The following MUC5B variants were observed in gnomAD, a reference collection of about 807,000 sequenced individuals.
The protein encoded by MUC5B is mucin 5B, oligomeric mucus/gel-forming.
Under a neutral mutation model 376.9 loss-of-function variants are expected in MUC5B, and 116 were observed. That is an observed-to-expected ratio of 0.31 (90% CI 0.26 to 0.36). The LOEUF is 0.36. MUC5B is among the 10% of genes least tolerant of loss of function. The pLI is 1.00. For missense variants in MUC5B, 7,165 were observed against 7,769.9 expected (o/e 0.92, Z 2.93); for synonymous variants, 3,517 against 3,390.9 (o/e 1.04, Z -1.29).
rs12363494 is a variant in MUC5B, at chr11:1,240,959, C to T, written c.4079C>T (p.Thr1360Met). ...GGCCTGGGAGGCGGAGACTTTGAGA[C>T]GTTTGAAAACCTGAGGCAGAGAGGG... ...EPGLGGGDFE[T>M]FENLRQRGYQ... is the part of the protein sequence containing the mutation. The change falls in exon 31 of 49, where the codon ACG (threonine) becomes ATG (methionine). Residue 1360 changes from threonine (T) to methionine (M), a missense_variant. Around this residue, in one of 31 missense-constraint regions of MUC5B, gnomAD observed 517 missense variants for 545.3 expected, o/e 0.95. Transcript: ENST00000529681. 0.012 allele frequency: 19,838 copies of T among 1,613,374 alleles called. 150 individuals carry two copies. The highest frequency in any genetic ancestry group is 0.013 in the Non-Finnish European group (15,581 of 1,179,830).
Position 1,243,331 on chromosome 11 carries a change from T to G in MUC5B, c.6451T>G (p.Ser2151Ala), listed in dbSNP as rs1373784415. 6.4e-7 allele frequency: 1 copy of G among 1,552,788 alleles called. No individual in the cohort carries two copies. The highest frequency in any genetic ancestry group is 1.2e-5 in the South Asian group (1 of 85,516). ...CACCGGCTCCACCACCAACCCCTCC[T>G]CAACTCCTGGGACAACTCCCATCCC... Reference protein sequence around the residue: ...TATGSTTNPSSTPGTTPIPPV... With the variant: ...TATGSTTNPSATPGTTPIPPV... The change falls in exon 31 of 49, where the codon TCA (serine) becomes GCA (alanine). Residue 2151 changes from serine (S) to alanine (A), a missense_variant. Ser to Ala is a moderately conservative substitution (Grantham distance 99). Coordinates refer to ENST00000529681, the MANE Select transcript of MUC5B (RefSeq NM_002458.3).
rs779860634 is a variant in MUC5B at position 1,250,196 on chromosome 11, C to T, written c.13316C>T (p.Thr4439Ile). ...ACTGCGTCCACTGGATCCACGGCCACCCCGTCCTCCACCCCAGGGACCACC... is the reference window on the plus strand; with the variant it reads ...ACTGCGTCCACTGGATCCACGGCCATCCCGTCCTCCACCCCAGGGACCACC... ...TTTASTGSTATPSSTPGTTWI... is the reference protein window; with the variant it reads ...TTTASTGSTAIPSSTPGTTWI... The change falls in exon 31 of 49, where the codon ACC (threonine) becomes ATC (isoleucine). Residue 4439 changes from threonine to isoleucine, a missense_variant. This residue lies in a region of MUC5B where 431 missense variants were observed against 390.4 expected (regional missense o/e 1.10). Transcript: ENST00000529681. 31 of 1,609,500 alleles carry T rather than the reference C, an allele frequency of 1.9e-5. No individual in the cohort carries two copies. The highest frequency in any genetic ancestry group is 2.5e-5 in the Non-Finnish European group (29 of 1,176,976).
At chr11:1,252,008 C>T (rs578087092) in intron 31 of MUC5B, among the ~76,000 whole-genome samples, 17 of 150,236 alleles carry the variant, frequency 1.1e-4, no homozygotes, top group African/African-American at 3.2e-4. Flanking sequence ...TGGCCACATT[C>T]GGTCTCCCCT....
intron 12 of MUC5B, 36 bp from the exon 13 acceptor site, chr11:1,230,900 C>T (rs1225926935): frequency 1.3e-6 from 2 of 1,558,616 alleles, no homozygotes; most frequent in Non-Finnish European, 8.7e-7. Flanking sequence ...ATGGGTTCCT[C>T]CCCAGAGCTG....
At chr11:1,227,898 G>A (rs1326297002) in intron 7 of MUC5B, 117 bp downstream of exon 7, 88 of 614,674 alleles carry the variant, frequency 1.4e-4, no homozygotes, top group Non-Finnish European at 2.4e-5. Flanking sequence ...ATTGGAGGGA[G>A]GCCGGGCAGC....
At position 1,228,580 on chromosome 11, in the gene MUC5B, G is replaced by A. The variant is rs545122285; in HGVS notation, c.791G>A (p.Arg264His). 46 of 1,526,148 alleles carry A rather than the reference G, an allele frequency of 3.0e-5. No homozygotes were observed. Among genetic ancestry groups the A allele is most frequent in the Non-Finnish European group, 3.2e-5 (37 of 1,140,516 alleles). 94.5% of individuals were successfully genotyped at this position (1,526,148 alleles called of 1,614,324 possible). A position where few individuals can be genotyped will look rare whatever the true frequency, so the allele number is the denominator to read the frequency against. ...GCTCCCCAGGAGGGCATCTGCCACC[G>A]CACCCTGCTGGGGCCGGCCTTTGCG... Reference protein sequence around the residue: ...NCTDEEGICHRTLLGPAFAEC... With the variant: ...NCTDEEGICHHTLLGPAFAEC... The change falls in exon 8 of 49, where the codon CGC becomes CAC. Residue 264 changes from arginine to histidine, a missense_variant. This residue lies in a region of MUC5B where 640 missense variants were observed against 733.0 expected (regional missense o/e 0.87). Coordinates refer to ENST00000529681, the MANE Select transcript of MUC5B (RefSeq NM_002458.3).
intron 2 of MUC5B, 136 bp downstream of exon 2, chr11:1,225,873 A>G (rs1178576412): frequency 3.6e-6 from 3 of 828,202 alleles, no homozygotes; most frequent in Non-Finnish European, 5.7e-6. Context: ...GCCCAGGACA[A>G]TACCCAGCAC....
In MUC5B at chr11:1,247,446, C is replaced by A; in HGVS notation, c.10566C>A (p.Pro3522=). 3 of 1,609,780 alleles carry A rather than the reference C, an allele frequency of 1.9e-6. No individual in the cohort carries two copies. The highest frequency in any genetic ancestry group is 2.5e-6 in the Non-Finnish European group (3 of 1,178,922). The change falls in exon 31 of 49, where the codon CCC becomes CCA. Residue 3522 remains proline (P), a synonymous_variant. Transcript: ENST00000529681. ...CTAGCAGCAGGACCACCGAGTCACC[C>A]CCTTCTCCAGGGACGACCACCCCGG... The part of the protein sequence containing the change: ...PHPSSRTTES[P]PSPGTTTPGH...
chr11:1,231,950 G>A (rs1431215770), intron 14 of MUC5B, 46 bp from the exon 15 acceptor site: 10 of 1,610,068 alleles, frequency 6.2e-6, no homozygotes, highest in African/African-American at 1.3e-5. Context: ...CAGGAGCCAG[G>A]TGGGCCCAAC....
Position 1,255,458 on chromosome 11 carries a change from C to A in MUC5B, c.15966C>A (p.Gly5322=). Reference sequence around the variant, plus strand: ...CCTGCATCAGCGACCACTGCAGGGGCCGCCTTGAGGTGCCCTGCCAGAGCC... The same window carrying A: ...CCTGCATCAGCGACCACTGCAGGGGACGCCTTGAGGTGCCCTGCCAGAGCC... The part of the protein sequence containing the change: ...FNACISDHCR[G]RLEVPCQSLE... The change falls in exon 37 of 49, where the codon GGC becomes GGA. Residue 5322 remains glycine, a synonymous_variant. Coordinates refer to ENST00000529681, the MANE Select transcript of MUC5B (RefSeq NM_002458.3). 1 of 1,597,438 alleles carries A rather than the reference C, an allele frequency of 6.3e-7. No individual in the cohort carries two copies. Among genetic ancestry groups the A allele is most frequent in the Non-Finnish European group, 8.5e-7 (1 of 1,172,922 alleles).
rs766613807 is a variant in MUC5B, at chr11:1,226,704, G to C, written c.289G>C (p.Gly97Arg). 6.2e-7 allele frequency: 1 copy of C among 1,612,806 alleles called. No individual in the cohort carries two copies. The highest frequency in any genetic ancestry group is 1.1e-5 in the South Asian group (1 of 91,066). Residue 97 changes from glycine (G) to arginine (R), a missense_variant, in exon 4 of 49, where the codon GGC becomes CGC. Transcript: ENST00000529681. ...CGACGGCGACGTCTTCCGCTTCCCTGGCCTTTGCAACTACGTGTTCTCTGA... is the reference window on the plus strand; with the variant it reads ...CGACGGCGACGTCTTCCGCTTCCCTCGCCTTTGCAACTACGTGTTCTCTGA... ...TFDGDVFRFP[G>R]LCNYVFSEHC... is the part of the protein sequence containing the mutation.
intron 24 of MUC5B, 41 bp from the exon 25 acceptor site, chr11:1,236,884 G>A (rs1480460591): frequency 2.1e-6 from 3 of 1,398,694 alleles, no homozygotes; most frequent in Non-Finnish European, 1.9e-6. Context: ...GGGTGCCTGT[G>A]GCCCCAGCTC....
chr11:1,244,434 T>C lies in MUC5B; in HGVS notation c.7554T>C (p.Thr2518=). Residue 2518 remains threonine (T), a synonymous_variant, in exon 31 of 49, where the codon ACT becomes ACC. Transcript: ENST00000529681. ...CCACTCCCTTCTCCAGTCCAGGGAC[T>C]GCAACCGCCCTTCCAGCACTGAGAA... ...SKATPFSSPG[T]ATALPALRST... 2 of 1,604,570 alleles carry C rather than the reference T, an allele frequency of 1.2e-6. No homozygotes were observed. The highest frequency in any genetic ancestry group is 1.7e-6 in the Non-Finnish European group (2 of 1,174,644).
rs371115443 is a variant in MUC5B, at chr11:1,235,408, G to A, written c.2875G>A (p.Val959Met). ...CTGCTCCAAGGCCATCAAGCTCTTCGTGGAGGTGAGAACGGCCCCAGCTGT... is the reference window on the plus strand; with the variant it reads ...CTGCTCCAAGGCCATCAAGCTCTTCATGGAGGTGAGAACGGCCCCAGCTGT... ...TTCSKAIKLF[V>M]ESYELILQEG... Residue 959 changes from valine (V) to methionine (M), a missense_variant, in exon 23 of 49, where the codon GTG becomes ATG. By Grantham distance (21) the Val-to-Met change is conservative. Transcript: ENST00000529681. 3.4e-5 allele frequency: 54 copies of A among 1,611,402 alleles called. No homozygotes were observed. Among genetic ancestry groups the A allele is most frequent in the African/African-American group, 9.4e-5 (7 of 74,802 alleles).
At chr11:1,237,437 A>G (rs966834216) in intron 25 of MUC5B, among the ~76,000 whole-genome samples, 5 of 152,186 alleles carry the variant, frequency 3.3e-5, no homozygotes, top group Non-Finnish European at 7.3e-5. Flanking sequence ...AGGGAGGGGC[A>G]GCCCTCTATG....
chr11:1,242,634 G>C lies in MUC5B; in HGVS notation c.5754G>C (p.Ala1918=). The C allele has an allele frequency of 2.5e-6, 4 of 1,613,354 alleles. No homozygotes were observed. Among genetic ancestry groups the C allele is most frequent in the Non-Finnish European group, 3.4e-6 (4 of 1,179,708 alleles). The change falls in exon 31 of 49, where the codon GCG becomes GCC. Residue 1918 remains alanine, a synonymous_variant. Transcript: ENST00000529681. ...CGACCACAACAGCCACTACGACTGC[G>C]TCCACTGGATCCACGGCCACCCCGA... ...TKPTTTATTT[A]STGSTATPTS...
At chr11:1,260,263 C>T in intron 46 of MUC5B, 88 bp from the exon 47 acceptor site, 1 of 1,460,204 alleles carries the variant, frequency 6.8e-7, no homozygotes, top group Non-Finnish European at 9.5e-7. Flanking sequence ...AGGCCATGCC[C>T]CTGCCCGGGT....
At chr11:1,259,929 C>G (rs1862953486) in intron 45 of MUC5B, 34 bp from the exon 46 acceptor site, 3 of 1,612,746 alleles carry the variant, frequency 1.9e-6, no homozygotes, top group Middle Eastern at 1.7e-4. Flanking sequence ...GAGGTAATCC[C>G]TACTCAGCTT....
Position 1,257,575 on chromosome 11 carries a change from G to T in MUC5B, c.16315G>T (p.Glu5439Ter). 6.2e-7 allele frequency: 1 copy of T among 1,607,588 alleles called. No individual in the cohort carries two copies. ...CAACTGCCAGTCCTGCGTGTGTGAC[G>T]AGGGTTCAGTGTCGGTGCAGTGCAA... ...VSNCQSCVCD[E>*]GSVSVQCKPL... The change falls in exon 41 of 49, where the codon GAG becomes TAG. Residue 5439 changes from glutamate (E) to a stop codon, truncating the protein, a stop_gained. Coordinates refer to ENST00000529681, the MANE Select transcript of MUC5B (RefSeq NM_002458.3). LOFTEE classifies it high-confidence loss of function. The surrounding 1 kb of genome is among the most constrained non-coding windows in gnomAD (Gnocchi z 8.9).
Sources: allele counts gnomAD v4.1 joint callset (sites outside exome capture counted in the v4.1 genomes callset), GRCh38; gene constraint gnomAD v4.1.1; regional missense constraint gnomAD v4.1.1; non-coding constraint Gnocchi (gnomAD v3.1); transcripts MANE v1.5; gene names NCBI Gene and HGNC (gene_info 2026-07-23, HGNC 2026-07-21).